Variants in GABBR2 observed in about 807,000 individuals in gnomAD.
The protein encoded by GABBR2 is G-protein coupled receptor 51.
In GABBR2, 23 loss-of-function variants were observed where a neutral mutation model predicts 105.6. The observed-to-expected ratio is 0.22, with a 90% CI of 0.16 to 0.31. The LOEUF is 0.31. Ranked by LOEUF, GABBR2 falls within the 10% of genes least tolerant of loss-of-function variation. GABBR2 has a pLI of 1.00. For missense variants in GABBR2, 734 were observed against 1,245.5 expected (o/e 0.59, Z 6.18); for synonymous variants, 478 against 499.7 (o/e 0.96, Z 0.58).
chr9:98,678,379 C>A (rs1276985691), intron 1 of GABBR2, among the ~76,000 whole-genome samples: 2 of 152,210 alleles, frequency 1.3e-5, no homozygotes, highest in African/African-American at 4.8e-5. Context: ...AGTCTAATTT[C>A]CCAAACATAT....
chr9:98,489,075 G>A (rs1402801816), intron 4 of GABBR2, among the ~76,000 whole-genome samples: 1 of 152,220 alleles, frequency 6.6e-6, no homozygotes, highest in Non-Finnish European at 1.5e-5. Flanking sequence ...TTCTGCCGCT[G>A]TAGCACAAAA....
rs543641446 is a variant in GABBR2, at chr9:98,559,995, C to CAG, written c.459+17939_459+17940insCT. Reference sequence around the variant, plus strand: ...GAACAAACACACACACACACACACACTCACACACACACACTTGCTCATATT... The same window carrying CAG: ...GAACAAACACACACACACACACACACAGTCACACACACACACTTGCTCATATT... On this transcript the variant is annotated intron_variant, in intron 2 of 18. Coordinates refer to ENST00000259455, the MANE Select transcript of GABBR2 (RefSeq NM_005458.8). Among the ~76,000 whole-genome samples the CAG allele has an allele frequency of 1.0e-3, 155 of 150,956 alleles. 1 individual carries two copies. Among genetic ancestry groups the CAG allele is most frequent in the African/African-American group, 3.7e-3 (150 of 41,062 alleles).
chr9:98,530,403 G>A (rs1429427490), intron 3 of GABBR2, among the ~76,000 whole-genome samples: 3 of 152,146 alleles, frequency 2.0e-5, no homozygotes, highest in African/African-American at 4.8e-5. Flanking sequence ...GGCACAAACC[G>A]GGGTTCATGT....
At chr9:98,705,405 CA>C (rs1830881074) in intron 1 of GABBR2, among the ~76,000 whole-genome samples, 1 of 152,212 alleles carries the variant, frequency 6.6e-6, no homozygotes, top group South Asian at 2.1e-4. Flanking sequence ...CAGATTAACC[CA>C]TTCCTTGCTA....
At chr9:98,615,424 G>T (rs1384169039) in intron 1 of GABBR2, among the ~76,000 whole-genome samples, 1 of 152,200 alleles carries the variant, frequency 6.6e-6, no homozygotes, top group Non-Finnish European at 1.5e-5. Flanking sequence ...ATCATTAAGT[G>T]CTCCAACTTA....
At chr9:98,524,038 A>G (rs1827914399) in intron 3 of GABBR2, among the ~76,000 whole-genome samples, 1 of 152,302 alleles carries the variant, frequency 6.6e-6, no homozygotes, top group Non-Finnish European at 1.5e-5. Context: ...GTCCTGAAAT[A>G]TATGCTAATA....
intron 1 of GABBR2, among the ~76,000 whole-genome samples, chr9:98,579,537 C>T (rs1406908712): frequency 1.3e-5 from 2 of 152,206 alleles, no homozygotes; most frequent in Non-Finnish European, 2.9e-5. Context: ...CTTTGTCAAA[C>T]ATCAATGAAT....
intron 11 of GABBR2, among the ~76,000 whole-genome samples, chr9:98,381,996 C>A (rs1479657034): frequency 6.6e-6 from 1 of 152,172 alleles, no homozygotes; most frequent in Non-Finnish European, 1.5e-5. Flanking sequence ...CCTGTGCTTT[C>A]ATAGCCTTTG....
intron 11 of GABBR2, among the ~76,000 whole-genome samples, chr9:98,374,789 G>T (rs901301178): frequency 1.3e-5 from 2 of 152,110 alleles, no homozygotes; most frequent in Non-Finnish European, 2.9e-5. Flanking sequence ...GCCTCCCCAC[G>T]TGCCTTTTCC....
In GABBR2 at chr9:98,505,457, T is replaced by TGTGTGTGTGTGC. The variant is rs57918974; in HGVS notation, c.631-8944_631-8943insGCACACACACAC. Among the ~76,000 whole-genome samples, 70 of 149,414 alleles carry TGTGTGTGTGTGC rather than the reference T, an allele frequency of 4.7e-4. 1 individual carries two copies. The highest frequency in any genetic ancestry group is 1.7e-3 in the African/African-American group (69 of 40,744). On this transcript the variant is annotated intron_variant, in intron 3 of 18. Transcript: ENST00000259455. ...GTGTGTGTGTGTGTGTGTGTGTGTG[T>TGTGTGTGTGTGC]GCATGTGCGTGTGTGACCCATGCAT...
chr9:98,596,287 G>A (rs1032078323), intron 1 of GABBR2, among the ~76,000 whole-genome samples: 6 of 152,160 alleles, frequency 3.9e-5, no homozygotes, highest in Admixed American at 1.3e-4. Flanking sequence ...TGCTGGCACC[G>A]GTGAACACTT....
chr9:98,502,139 G>T (rs528027423), intron 3 of GABBR2, among the ~76,000 whole-genome samples: 1 of 152,212 alleles, frequency 6.6e-6, no homozygotes, highest in African/African-American at 2.4e-5. Flanking sequence ...GGGGGAGAAG[G>T]GGAGGGGTTG....
chr9:98,369,281 G>C (rs544496615), intron 12 of GABBR2, among the ~76,000 whole-genome samples: 1 of 152,304 alleles, frequency 6.6e-6, no homozygotes, highest in East Asian at 1.9e-4. Context: ...TGCAGCCTGT[G>C]GATTTCCTAA....
intron 14 of GABBR2, among the ~76,000 whole-genome samples, chr9:98,310,728 A>G (rs1391685835): frequency 6.6e-6 from 1 of 152,166 alleles, no homozygotes; most frequent in East Asian, 1.9e-4. Context: ...GAAATGCTGG[A>G]CATGAACATG....
chr9:98,568,542 T>C lies in GABBR2; in HGVS notation c.459+9393A>G, dbSNP rs542439019. 8.3e-4 allele frequency among the ~76,000 whole-genome samples: 127 copies of C among 152,162 alleles called. No individual in the cohort carries two copies. The Middle Eastern group carries it at 0.01, about 12-fold the overall frequency. On this transcript the variant is annotated intron_variant, in intron 2 of 18. Transcript: ENST00000259455. ...AAGAGCACAGAGCAGCTGAGCAGCT[T>C]CAAGGGACTCTGGGTGCTGGAGCTG...
intron 3 of GABBR2, among the ~76,000 whole-genome samples, chr9:98,499,917 G>A (rs1486847927): frequency 6.6e-6 from 1 of 152,212 alleles, no homozygotes; most frequent in Non-Finnish European, 1.5e-5. Flanking sequence ...CCAGGCATTA[G>A]TGGCACGTGC....
At chr9:98,690,628 G>T (rs1286613382) in intron 1 of GABBR2, among the ~76,000 whole-genome samples, 1 of 152,188 alleles carries the variant, frequency 6.6e-6, no homozygotes, top group Non-Finnish European at 1.5e-5. Flanking sequence ...TGGGAACCAA[G>T]ACCATGATCC....
At chr9:98,329,608 G>T (rs573575873) in intron 13 of GABBR2, among the ~76,000 whole-genome samples, 48 of 152,320 alleles carry the variant, frequency 3.2e-4, no homozygotes, top group Non-Finnish European at 5.0e-4. Context: ...TCTCACCAAT[G>T]GGGCATCTCG....
intron 3 of GABBR2, among the ~76,000 whole-genome samples, chr9:98,509,200 C>T (rs1467045514): frequency 2.0e-5 from 3 of 152,192 alleles, no homozygotes; most frequent in Non-Finnish European, 2.9e-5. Flanking sequence ...AGACCTGCAG[C>T]TGAGGGTCCT....
Sources: allele counts gnomAD v4.1 joint callset (sites outside exome capture counted in the v4.1 genomes callset), GRCh38; gene constraint gnomAD v4.1.1; transcripts MANE v1.5; gene names NCBI Gene and HGNC (gene_info 2026-07-23, HGNC 2026-07-21).